Variants in RBM10 observed in about 807,000 individuals in gnomAD.
RBM10 encodes RNA-binding protein 10.
RBM10 carries 1 observed loss-of-function variant against 84.9 expected under a neutral mutation model. The ratio of observed to expected loss-of-function variants is 0.01; its 90% CI spans 0.00 to 0.06. The LOEUF (loss-of-function observed/expected upper bound fraction) is 0.06, where lower values mean the gene tolerates loss of function less well. RBM10 is among the 10% of genes least tolerant of loss of function. The pLI, the probability that RBM10 is intolerant of heterozygous loss-of-function variation, is 1.00. For missense variants in RBM10, 438 were observed against 839.0 expected (o/e 0.52, Z 5.90); for synonymous variants, 326 against 344.5 (o/e 0.95, Z 0.60).
At chrX:47,185,874 C>T in intron 21 of RBM10, 84 bp downstream of exon 21, 2 of 1,181,371 alleles carry the variant, frequency 1.7e-6, no homozygotes, top group Non-Finnish European at 2.3e-6. Context: ...TTCAATTTCT[C>T]ACGTGTTAAC....
intron 2 of RBM10, among the ~76,000 whole-genome samples, chrX:47,160,995 T>G (rs781850794): frequency 8.9e-6 from 1 of 112,053 alleles, no homozygotes; most frequent in Non-Finnish European, 1.9e-5. Context: ...TGTGTTGCCC[T>G]GGCTGGCTGG....
chrX:47,166,901 G>A (rs782454923), intron 2 of RBM10, among the ~76,000 whole-genome samples: 2 of 108,050 alleles, frequency 1.9e-5, no homozygotes, highest in African/African-American at 6.8e-5. Flanking sequence ...TCGCCCTCCC[G>A]AGTAGCTGGG....
At chrX:47,168,189 G>A (rs1256276181) in intron 2 of RBM10, among the ~76,000 whole-genome samples, 1 of 111,573 alleles carries the variant, frequency 9.0e-6, no homozygotes, top group Non-Finnish European at 1.9e-5. Context: ...AGGGAATATG[G>A]CAGTGAGCTA....
chrX:47,174,962 C>CA (rs1935024548), intron 5 of RBM10, 57 bp from the exon 6 acceptor site: 8 of 1,061,029 alleles, frequency 7.5e-6, no homozygotes, highest in Non-Finnish European at 9.2e-6. Flanking sequence ...CCGGGAACGC[C>CA]GTGTGTCCAA....
chrX:47,176,367 G>T, intron 6 of RBM10, 133 bp from the exon 7 acceptor site: 1 of 1,101,351 alleles, frequency 9.1e-7, no homozygotes, highest in Non-Finnish European at 1.2e-6. Flanking sequence ...CCCTCCATCC[G>T]CTCTCCGACC....
intron 2 of RBM10, among the ~76,000 whole-genome samples, chrX:47,155,292 G>A (rs1933009171): frequency 9.0e-6 from 1 of 110,883 alleles, no homozygotes; most frequent in Non-Finnish European, 1.9e-5. Context: ...TTGAATGAAT[G>A]CATGAACAAA....
chrX:47,172,181 C>T (rs1233814590), intron 4 of RBM10, among the ~76,000 whole-genome samples: 2 of 112,399 alleles, frequency 1.8e-5, no homozygotes, highest in African/African-American at 3.2e-5. Flanking sequence ...GGGAATGTGA[C>T]TTGCCCCAGG....
At chrX:47,181,925 G>T in intron 15 of RBM10, 26 bp from the exon 16 acceptor site, 4 of 1,210,983 alleles carry the variant, frequency 3.3e-6, no homozygotes, top group Non-Finnish European at 4.5e-6. Flanking sequence ...AGGGAATAGT[G>T]TGACCCCGTT....
At position 47,164,587 on chromosome X, in the gene RBM10, G is replaced by C. The variant is rs782568638; in HGVS notation, c.18-4728G>C. The stretch of plus-strand genomic sequence containing the variant: ...ATTTCTCCAAGAAAGATATACAAGT[G>C]GCCAGTAAGCACATGAAAAGATGCA... On this transcript the variant is annotated intron_variant, in intron 2 of 23. Transcript: ENST00000377604. 1.8e-3 allele frequency among the ~76,000 whole-genome samples: 201 copies of C among 111,293 alleles called. 5 individuals carry two copies. Among genetic ancestry groups the C allele is most frequent in the Non-Finnish European group, 1.5e-3 (81 of 53,070 alleles).
intron 2 of RBM10, among the ~76,000 whole-genome samples, chrX:47,148,333 T>C (rs1293765543): frequency 8.9e-6 from 1 of 111,899 alleles, no homozygotes; most frequent in Non-Finnish European, 1.9e-5. Context: ...TTTTGGACGG[T>C]ATTCACTAGA....
At chrX:47,174,924 C>T (rs1380690504) in intron 5 of RBM10, 95 bp from the exon 6 acceptor site, 3 of 646,697 alleles carry the variant, frequency 4.6e-6, no homozygotes, top group Non-Finnish European at 7.7e-6. Flanking sequence ...CCTCTCTGCC[C>T]CCCGTCCTCT....
rs1932384131 is a variant in RBM10 at position 47,147,479 on chromosome X, G to C, written c.-3G>C. 1.7e-6 allele frequency: 2 copies of C among 1,210,169 alleles called. No individual in the cohort carries two copies. Among genetic ancestry groups the C allele is most frequent in the Non-Finnish European group, 2.2e-6 (2 of 895,200 alleles). ...CAGCAGCCCCCGAAGGCCCTATCAG[G>C]ACATGGAGTATGAAAGACGGTGAGT... On this transcript the variant is annotated 5_prime_UTR_variant, in exon 2 of 24. Coordinates refer to ENST00000377604, the MANE Select transcript of RBM10 (RefSeq NM_005676.5).
rs1287408940 is a variant in RBM10, at chrX:47,186,229, A to C, written c.2538-29A>C. The C allele has an allele frequency of 3.3e-6, 4 of 1,208,834 alleles. No individual in the cohort carries two copies. In the South Asian group the frequency reaches 5.3e-5, roughly 16 times the overall value. On this transcript the variant is annotated intron_variant, in intron 22 of 23. Transcript: ENST00000377604. ...GCCCGGGGCCGGGGCCGGCAGGCCG[A>C]CCACTCATGCTGTGCACCGCCCCTG...
At chrX:47,174,829 G>A (rs1220051826) in intron 5 of RBM10, among the ~76,000 whole-genome samples, 190 bp from the exon 6 acceptor site, 1 of 109,218 alleles carries the variant, frequency 9.2e-6, no homozygotes, top group African/African-American at 3.3e-5. Flanking sequence ...GCCCCACCTG[G>A]CCATCTACCT....
chrX:47,185,976 A>C, intron 21 of RBM10, 89 bp from the exon 22 acceptor site: 1 of 1,158,810 alleles, frequency 8.6e-7, no homozygotes, highest in East Asian at 3.1e-5. Flanking sequence ...GCCAGATGGC[A>C]TGCCCTGTGG....
chrX:47,166,210 C>G (rs1325619444), intron 2 of RBM10, among the ~76,000 whole-genome samples: 1 of 111,255 alleles, frequency 9.0e-6, no homozygotes, highest in Non-Finnish European at 1.9e-5. Flanking sequence ...AGTTCAGGAT[C>G]AGGCTGGGCA....
chrX:47,157,149 C>T (rs782311637), intron 2 of RBM10: 40 of 251,557 alleles, frequency 1.6e-4, no homozygotes, highest in African/African-American at 1.1e-3. Flanking sequence ...TTGATCTTGT[C>T]CAGCTCCATC....
intron 2 of RBM10, among the ~76,000 whole-genome samples, chrX:47,165,519 G>GAA (rs371171199): frequency 1.7e-4 from 6 of 35,557 alleles, no homozygotes; most frequent in Admixed American, 6.9e-4. Flanking sequence ...TGTCTCAAAA[G>GAA]AAAAAAAAAA....
chrX:47,173,886 T>C (rs1934867133), intron 5 of RBM10, among the ~76,000 whole-genome samples: 1 of 76,326 alleles, frequency 1.3e-5, no homozygotes, highest in Admixed American at 1.5e-4. Context: ...TCCCCACACC[T>C]CCATCTCTCT....
Sources: gnomAD v4.1 joint callset for allele counts (sites outside exome capture counted in the v4.1 genomes callset) on GRCh38, gnomAD v4.1.1 for gene constraint, MANE v1.5 for transcripts, NCBI Gene and HGNC (gene_info 2026-07-23, HGNC 2026-07-21) for gene names.